The following MME variants were observed in gnomAD, a reference collection of about 807,000 sequenced individuals.
MME encodes the protein membrane metalloendopeptidase.
In MME, 98 loss-of-function variants were observed where a neutral mutation model predicts 113.2. The ratio of observed to expected loss-of-function variants is 0.87; its 90% CI spans 0.74 to 1.02. MME has a LOEUF of 1.02. MME is among the 50% of genes least tolerant of loss of function. The pLI is 0.00. For synonymous variants in MME, 292 were observed against 300.6 expected (o/e 0.97, Z 0.30); for missense variants, 836 against 896.0 (o/e 0.93, Z 0.86).
chr3:155,063,483 T>TTA (rs1284530603), intron 1 of MME, among the ~76,000 whole-genome samples: 80 of 110,674 alleles, frequency 7.2e-4, no homozygotes, highest in South Asian at 1.8e-3. Flanking sequence ...TTTTATTATT[T>TTA]TATATATATA....
intron 22 of MME, among the ~76,000 whole-genome samples, chr3:155,173,789 T>C (rs953102732): frequency 1.3e-5 from 2 of 152,198 alleles, no homozygotes; most frequent in African/African-American, 4.8e-5. Flanking sequence ...AACTTTTAGT[T>C]TTAATTTTTT....
chr3:155,182,290 T>TTAAA lies in MME; in HGVS notation c.*1831_*1832insTAAA, dbSNP rs1484823984. 6.6e-6 allele frequency: 1 copy of TTAAA among 152,244 alleles called. No individual in the cohort carries two copies. Among genetic ancestry groups the TTAAA allele is most frequent in the East Asian group, 1.9e-4 (1 of 5,204 alleles). The allele number at this position is 152,244 out of a possible 1,614,324, so 9.4% of individuals were successfully genotyped here. On this transcript the variant is annotated 3_prime_UTR_variant, in exon 23 of 23. Coordinates refer to ENST00000360490, the MANE Select transcript of MME (RefSeq NM_007289.4). The stretch of plus-strand genomic sequence containing the variant: ...CAGAATAATGTTCTATTGTGGGACT[T>TTAAA]ATTACAATTTGTTCATCCTATTGTT...
chr3:155,145,754 T>A (rs115662785), intron 14 of MME, among the ~76,000 whole-genome samples: 12 of 152,306 alleles, frequency 7.9e-5, no homozygotes, highest in African/African-American at 2.9e-4. Context: ...TTCACAATAA[T>A]TTTTTTGTGT....
At chr3:155,109,979 C>A (rs1430299610) in intron 3 of MME, among the ~76,000 whole-genome samples, 3 of 152,208 alleles carry the variant, frequency 2.0e-5, no homozygotes, top group Admixed American at 2.0e-4. Context: ...TCTGGTTACT[C>A]CACTATAAAA....
chr3:155,078,813 G>A (rs1440560311), upstream of MME, among the ~76,000 whole-genome samples: 1 of 152,042 alleles, frequency 6.6e-6, no homozygotes, highest in Non-Finnish European at 1.5e-5. Flanking sequence ...GCTAAAGGTA[G>A]CTTTTACAAA....
intron 3 of MME, among the ~76,000 whole-genome samples, chr3:155,095,956 T>G (rs1345113603): frequency 2.6e-5 from 4 of 152,198 alleles, no homozygotes; most frequent in African/African-American, 4.8e-5. Context: ...GCAGTCGCAC[T>G]TCACCAGCTA....
At chr3:155,076,838 C>A (rs1714764836), upstream of MME, among the ~76,000 whole-genome samples, 1 of 152,174 alleles carries the variant, frequency 6.6e-6, no homozygotes, top group African/African-American at 2.4e-5. Context: ...CATTTGTAAA[C>A]TGTCATAGCA....
rs1718469191 is a variant in MME, at chr3:155,114,896, T to A, written c.197-98T>A. Reference sequence around the variant, plus strand: ...AAAAGAAAACGGAGCATCCGACAAATTGATGCAATCAAAAGGGAGCAATAA... The same window carrying A: ...AAAAGAAAACGGAGCATCCGACAAAATGATGCAATCAAAAGGGAGCAATAA... On this transcript the variant is annotated intron_variant, in intron 3 of 22. Coordinates refer to ENST00000360490, the MANE Select transcript of MME (RefSeq NM_007289.4). The A allele has an allele frequency of 3.2e-6, 4 of 1,231,148 alleles. No homozygotes were observed. The East Asian group carries it at 9.3e-5, about 29-fold the overall frequency. 76.3% of individuals were successfully genotyped at this position (1,231,148 alleles called of 1,614,324 possible). A position where few individuals can be genotyped will look rare whatever the true frequency, so the allele number is the denominator to read the frequency against.
At chr3:155,062,566 G>C (rs1407307879) in intron 1 of MME, among the ~76,000 whole-genome samples, 1 of 151,948 alleles carries the variant, frequency 6.6e-6, no homozygotes, top group Non-Finnish European at 1.5e-5. Flanking sequence ...CCAACATTCA[G>C]TCAAAAATAA....
chr3:155,072,071 G>A (rs2108145104), intron 1 of MME, among the ~76,000 whole-genome samples: 1 of 144,376 alleles, frequency 6.9e-6, no homozygotes, highest in South Asian at 2.2e-4. Flanking sequence ...TGAGGCAGGA[G>A]AATGGCATGA....
intron 12 of MME, among the ~76,000 whole-genome samples, chr3:155,142,627 G>C (rs967382177): frequency 3.9e-5 from 6 of 152,076 alleles, no homozygotes; most frequent in African/African-American, 1.4e-4. Context: ...TTGTTACTGT[G>C]TTAAAAGTAA....
At chr3:155,139,131 C>G (rs1720863814) in intron 9 of MME, among the ~76,000 whole-genome samples, 1 of 152,078 alleles carries the variant, frequency 6.6e-6, no homozygotes, top group Non-Finnish European at 1.5e-5. Flanking sequence ...GAATGAATGG[C>G]ATTTGAATGG....
At chr3:155,099,826 C>A (rs532718546) in intron 3 of MME, among the ~76,000 whole-genome samples, 2 of 152,262 alleles carry the variant, frequency 1.3e-5, no homozygotes, top group East Asian at 3.9e-4. Context: ...GGTTCCAAGT[C>A]TTTGCTATTG....
At chr3:155,031,901 C>A (rs949556537) in intron 1 of MME, among the ~76,000 whole-genome samples, 1 of 152,206 alleles carries the variant, frequency 6.6e-6, no homozygotes, top group Non-Finnish European at 1.5e-5. Context: ...TCAGATCATC[C>A]GTCCGCTTTG....
chr3:155,042,666 A>G (rs1713367649), intron 1 of MME, among the ~76,000 whole-genome samples: 1 of 151,826 alleles, frequency 6.6e-6, no homozygotes, highest in African/African-American at 2.4e-5. Context: ...CCTCCCCACC[A>G]TTGGATGTTA....
At chr3:155,159,412 G>C (rs1435183272) in intron 16 of MME, among the ~76,000 whole-genome samples, 1 of 152,016 alleles carries the variant, frequency 6.6e-6, no homozygotes, top group Non-Finnish European at 1.5e-5. Flanking sequence ...TGACATTTAA[G>C]AGGTTATCTG....
At chr3:155,033,161 G>T (rs1162351092) in intron 1 of MME, among the ~76,000 whole-genome samples, 2 of 152,164 alleles carry the variant, frequency 1.3e-5, no homozygotes, top group Non-Finnish European at 2.9e-5. Flanking sequence ...TTAAAGAAGA[G>T]AGTTAAGCTA....
At chr3:155,034,503 T>C (rs1035371655) in intron 1 of MME, among the ~76,000 whole-genome samples, 2 of 152,148 alleles carry the variant, frequency 1.3e-5, no homozygotes, top group African/African-American at 2.4e-5. Context: ...TTAGAAGAGG[T>C]ACAGAGCCTT....
Position 155,026,526 on chromosome 3 carries a change from C to T in MME, c.-11+2202C>T, listed in dbSNP as rs145280689. Among the ~76,000 whole-genome samples the T allele has an allele frequency of 5.7e-4, 87 of 152,254 alleles. No homozygotes were observed. In the East Asian group the frequency reaches 0.014, roughly 25 times the overall value. ...ATCACCTGAAGTTAGGAATTCAAGA[C>T]CAGCTTGGGCAACATGGTGAAATCC... On this transcript the variant is annotated intron_variant, in intron 1 of 22. Transcript: ENST00000492661.
Sources: gnomAD v4.1 joint callset for allele counts (sites outside exome capture counted in the v4.1 genomes callset) on GRCh38, gnomAD v4.1.1 for gene constraint, MANE v1.5 for transcripts, NCBI Gene and HGNC (gene_info 2026-07-23, HGNC 2026-07-21) for gene names.